SLC16A10: variants seen among roughly 807,000 people sequenced by gnomAD.
SLC16A10 encodes the protein solute carrier family 16 member 10.
In SLC16A10, 27 loss-of-function variants were observed where a neutral mutation model predicts 40.0. That is an observed-to-expected ratio of 0.67 (90% CI 0.50 to 0.93). The LOEUF is 0.93. Among genes scored for constraint, SLC16A10 ranks in the 40% least tolerant of loss-of-function variants. The pLI is 0.00. For synonymous variants in SLC16A10, 213 were observed against 249.8 expected (o/e 0.85, Z 1.39); for missense variants, 529 against 658.2 (o/e 0.80, Z 2.15).
At chr6:111,128,850 ATATTTTTTCATATTCATTT>A (rs1184295342) in intron 1 of SLC16A10, among the ~76,000 whole-genome samples, 7 of 152,036 alleles carry the variant, frequency 4.6e-5, no homozygotes, top group Non-Finnish European at 8.8e-5. Context: ...TTTCATATTC[ATATTTTTTCATATTCATTT>A]TATTTTTTCA....
chr6:111,115,504 C>T (rs946746130), intron 1 of SLC16A10, among the ~76,000 whole-genome samples: 5 of 152,156 alleles, frequency 3.3e-5, no homozygotes, highest in East Asian at 3.8e-4. Flanking sequence ...CCACTGTGCC[C>T]GGCCTGGAAA....
chr6:111,144,565 C>G (rs1224365750), intron 1 of SLC16A10, among the ~76,000 whole-genome samples: 2 of 152,216 alleles, frequency 1.3e-5, no homozygotes, highest in African/African-American at 4.8e-5. Context: ...AAACAAATCA[C>G]TGTCTGATTC....
At chr6:111,132,054 G>C (rs1448443754) in intron 1 of SLC16A10, among the ~76,000 whole-genome samples, 2 of 152,130 alleles carry the variant, frequency 1.3e-5, no homozygotes, top group Non-Finnish European at 2.9e-5. Context: ...AAGCCCCTAG[G>C]CTCTGAACCC....
chr6:111,208,014 G>T (rs1773283233), intron 4 of SLC16A10, among the ~76,000 whole-genome samples: 1 of 152,088 alleles, frequency 6.6e-6, no homozygotes, highest in South Asian at 2.1e-4. Flanking sequence ...CGTTTCCCAG[G>T]CTGGAGTACA....
intron 3 of SLC16A10, among the ~76,000 whole-genome samples, chr6:111,184,257 C>G (rs998371630): frequency 5.9e-5 from 9 of 152,138 alleles, no homozygotes; most frequent in African/African-American, 1.7e-4. Context: ...AAGAAGATGA[C>G]TGACTCATAT....
At chr6:111,115,390 G>A (rs1345377352) in intron 1 of SLC16A10, among the ~76,000 whole-genome samples, 2 of 152,164 alleles carry the variant, frequency 1.3e-5, no homozygotes, top group Admixed American at 1.3e-4. Context: ...TGTATTTTGA[G>A]TAGAGACAAG....
chr6:111,219,989 G>A (rs372496994), intron 5 of SLC16A10, among the ~76,000 whole-genome samples: 4 of 152,172 alleles, frequency 2.6e-5, no homozygotes, highest in Non-Finnish European at 4.4e-5. Context: ...CTCCAGAGGC[G>A]GAGGCGAGAG....
chr6:111,093,189 A>G (rs1165599984), intron 1 of SLC16A10, among the ~76,000 whole-genome samples: 2 of 151,388 alleles, frequency 1.3e-5, no homozygotes, highest in Non-Finnish European at 3.0e-5. Context: ...CAGCCTGGGC[A>G]ACAAGAGAGA....
intron 1 of SLC16A10, among the ~76,000 whole-genome samples, chr6:111,166,290 C>T (rs56281597): frequency 8.0e-6 from 1 of 124,344 alleles, no homozygotes; most frequent in Non-Finnish European, 1.9e-5. Flanking sequence ...TTCTGGGTTC[C>T]CTTCCCAGTT....
intron 1 of SLC16A10, among the ~76,000 whole-genome samples, chr6:111,162,538 C>A (rs1772388713): frequency 6.6e-6 from 1 of 152,176 alleles, no homozygotes; most frequent in Admixed American, 6.5e-5. Context: ...AAGGTAAGCA[C>A]ACCCTTCCAG....
At chr6:111,104,470 A>C (rs1771245839) in intron 1 of SLC16A10, among the ~76,000 whole-genome samples, 2 of 152,194 alleles carry the variant, frequency 1.3e-5, no homozygotes, top group Non-Finnish European at 2.9e-5. Context: ...GTGTCTTAAT[A>C]ATTTTTGATC....
intron 3 of SLC16A10, among the ~76,000 whole-genome samples, chr6:111,187,628 T>C (rs1270164310): frequency 6.6e-6 from 1 of 152,238 alleles, no homozygotes; most frequent in Non-Finnish European, 1.5e-5. Flanking sequence ...CAGCCCAGCC[T>C]GTAAATATGT....
chr6:111,091,990 A>G (rs1770983769), intron 1 of SLC16A10, among the ~76,000 whole-genome samples: 1 of 152,186 alleles, frequency 6.6e-6, no homozygotes, highest in Admixed American at 6.5e-5. Context: ...TATTTCCCTG[A>G]AGGATTTTCA....
chr6:111,107,427 A>G (rs577685174), intron 1 of SLC16A10, among the ~76,000 whole-genome samples: 1 of 152,304 alleles, frequency 6.6e-6, no homozygotes, highest in East Asian at 1.9e-4. Flanking sequence ...CAAAAAGTTT[A>G]TGGGGACAAT....
intron 1 of SLC16A10, among the ~76,000 whole-genome samples, chr6:111,163,909 T>G (rs1772423066): frequency 6.6e-6 from 1 of 152,232 alleles, no homozygotes; most frequent in Non-Finnish European, 1.5e-5. Flanking sequence ...CCTTTATTTT[T>G]TGATGAAATC....
intron 1 of SLC16A10, among the ~76,000 whole-genome samples, chr6:111,171,136 C>G (rs1401254380): frequency 6.6e-6 from 1 of 152,068 alleles, no homozygotes; most frequent in Admixed American, 6.5e-5. Context: ...GACCCTGTCT[C>G]ATTAAAAAAA....
At chr6:111,213,672 G>A (rs527731808) in intron 4 of SLC16A10, among the ~76,000 whole-genome samples, 2 of 152,200 alleles carry the variant, frequency 1.3e-5, no homozygotes, top group Admixed American at 6.5e-5. Context: ...GGGTGTGAAC[G>A]TATCAAATGC....
intron 3 of SLC16A10, among the ~76,000 whole-genome samples, chr6:111,188,352 A>C (rs1392505701): frequency 1.3e-5 from 2 of 149,588 alleles, no homozygotes; most frequent in African/African-American, 4.9e-5. Flanking sequence ...ATGCTTTGCT[A>C]CTTTGCACAA....
At chr6:111,113,051 A>G (rs184578089) in intron 1 of SLC16A10, among the ~76,000 whole-genome samples, 19 of 152,338 alleles carry the variant, frequency 1.2e-4, no homozygotes, top group Admixed American at 4.6e-4. Context: ...CCATTACTCT[A>G]TATTAAATAT....
Sources: allele counts gnomAD v4.1 joint callset (sites outside exome capture counted in the v4.1 genomes callset), GRCh38; gene constraint gnomAD v4.1.1; transcripts MANE v1.5; gene names NCBI Gene and HGNC (gene_info 2026-07-23, HGNC 2026-07-21).